The following MALRD1 variants were observed in gnomAD, a reference collection of about 807,000 sequenced individuals.
MALRD1 encodes the protein MAM and LDL-receptor class A domain-containing protein 1.
In MALRD1, 247 loss-of-function variants were observed where a neutral mutation model predicts 242.1. The observed-to-expected ratio is 1.02, with a 90% CI of 0.92 to 1.13. The LOEUF (loss-of-function observed/expected upper bound fraction) is 1.13. MALRD1 is among the 50% of genes most tolerant of loss of function. The pLI is 0.00. For missense variants in MALRD1, 2,989 were observed against 2,533.1 expected (o/e 1.18, Z -3.86); for synonymous variants, 995 against 866.6 (o/e 1.15, Z -2.60).
chr10:19,595,595 G>C (rs1034133030), intron 34 of MALRD1, 138 bp downstream of exon 34: 9 of 1,065,958 alleles, frequency 8.4e-6, no homozygotes, highest in Non-Finnish European at 1.0e-5. Flanking sequence ...TCAGTGTTAT[G>C]TTGCAAAACA....
At chr10:19,355,859 T>A (rs12569853) in intron 26 of MALRD1, among the ~76,000 whole-genome samples, 1 of 18,262 alleles carries the variant, frequency 5.5e-5, no homozygotes, top group African/African-American at 8.8e-4. Flanking sequence ...ATATATATAT[T>A]ATATATGATA....
At chr10:19,595,615 T>A (rs1295739652) in intron 34 of MALRD1, among the ~76,000 whole-genome samples, 158 bp downstream of exon 34, 1 of 152,188 alleles carries the variant, frequency 6.6e-6, no homozygotes, top group African/African-American at 2.4e-5. Context: ...AAGGCATCTG[T>A]CCTTTGCTTA....
rs2131578762 is a variant in MALRD1 at position 19,188,381 on chromosome 10, GATTGGATGTTTTCAAGAA to G, written c.1951+13056_1951+13073del. Among the ~76,000 whole-genome samples the G allele has an allele frequency of 2.0e-5, 3 of 152,244 alleles. 1 individual carries two copies. The South Asian group carries it at 6.2e-4, about 32-fold the overall frequency. The stretch of plus-strand genomic sequence containing the variant: ...CTCAAGGAAGCAAGAATTTTCTTTT[GATTGGATGTTTTCAAGAA>G]ATAGGATAATTCTGTGATTGTATAT... On this transcript the variant is annotated intron_variant, in intron 14 of 39. Transcript: ENST00000454679.
intron 28 of MALRD1, among the ~76,000 whole-genome samples, chr10:19,403,441 T>G (rs1846954118): frequency 6.6e-6 from 1 of 152,176 alleles, no homozygotes; most frequent in African/African-American, 2.4e-5. Context: ...ATGTGGCATT[T>G]AATATATCCA....
chr10:19,276,733 C>A (rs982068409), intron 19 of MALRD1, among the ~76,000 whole-genome samples: 3 of 151,954 alleles, frequency 2.0e-5, no homozygotes, highest in Admixed American at 2.0e-4. Flanking sequence ...ACTTTGACCT[C>A]TAATTGAGTT....
intron 14 of MALRD1, among the ~76,000 whole-genome samples, chr10:19,177,900 T>C (rs10827018): frequency 0.11 from 16,679 of 152,064 alleles, 960 homozygotes; most frequent in East Asian, 0.18. Context: ...TCTTGTGACC[T>C]AATTTCAGGC....
chr10:19,342,457 T>C (rs1264629693), intron 24 of MALRD1, among the ~76,000 whole-genome samples: 3 of 152,128 alleles, frequency 2.0e-5, no homozygotes, highest in Admixed American at 6.6e-5. Context: ...ACCTGAATAA[T>C]TGTGGAGCTT....
chr10:19,273,618 G>A (rs1273935658), intron 19 of MALRD1, among the ~76,000 whole-genome samples: 2 of 152,178 alleles, frequency 1.3e-5, no homozygotes, highest in African/African-American at 2.4e-5. Flanking sequence ...AGCAGAAGAA[G>A]CCAATATGAA....
chr10:19,587,082 G>A (rs905598283), intron 33 of MALRD1, among the ~76,000 whole-genome samples: 21 of 152,164 alleles, frequency 1.4e-4, no homozygotes, highest in Admixed American at 3.3e-4. Flanking sequence ...GCCCTGCTTC[G>A]GCTCGCGCAC....
At chr10:19,190,097 A>G (rs1476334541) in intron 14 of MALRD1, among the ~76,000 whole-genome samples, 1 of 152,138 alleles carries the variant, frequency 6.6e-6, no homozygotes, top group Non-Finnish European at 1.5e-5. Flanking sequence ...TGTTAGAACT[A>G]AAACATGAAT....
chr10:19,257,644 A>G (rs1564508160), intron 18 of MALRD1, 40 bp from the exon 19 acceptor site: 1 of 1,385,872 alleles, frequency 7.2e-7, no homozygotes. Flanking sequence ...TTACCACATA[A>G]ACACATTTCT....
At chr10:19,703,959 T>A (rs1833738963) in intron 38 of MALRD1, among the ~76,000 whole-genome samples, 1 of 152,158 alleles carries the variant, frequency 6.6e-6, no homozygotes, top group South Asian at 2.1e-4. Flanking sequence ...AGTAAGCCGT[T>A]TATTCTTACC....
At chr10:19,066,656 T>C (rs1325926108) in intron 1 of MALRD1, 63 bp from the exon 2 acceptor site, 1 of 1,157,744 alleles carries the variant, frequency 8.6e-7, no homozygotes, top group East Asian at 3.2e-5. Context: ...TTTTCTGCTA[T>C]TGTCTTATTT....
intron 38 of MALRD1, among the ~76,000 whole-genome samples, chr10:19,715,838 T>C (rs1034966269): frequency 7.9e-5 from 12 of 152,170 alleles, no homozygotes; most frequent in African/African-American, 2.9e-4. Context: ...GGTGCCATGC[T>C]CTTGTAAACA....
intron 1 of MALRD1, among the ~76,000 whole-genome samples, chr10:19,057,766 A>G (rs1371553560): frequency 6.6e-6 from 1 of 152,162 alleles, no homozygotes; most frequent in Non-Finnish European, 1.5e-5. Flanking sequence ...TTGGAATCTG[A>G]TAAAGTGTCT....
intron 21 of MALRD1, among the ~76,000 whole-genome samples, chr10:19,309,201 A>T (rs1842333193): frequency 6.6e-6 from 1 of 151,458 alleles, no homozygotes; most frequent in Middle Eastern, 3.4e-3. Context: ...ATGGAGCATA[A>T]TTTTTTTTAG....
At chr10:19,632,953 C>T (rs899852373) in intron 36 of MALRD1, among the ~76,000 whole-genome samples, 1 of 152,082 alleles carries the variant, frequency 6.6e-6, no homozygotes, top group African/African-American at 2.4e-5. Context: ...ACTTCTGGGC[C>T]AGGCACGGTG....
At chr10:19,718,005 T>TA (rs1834473892) in intron 38 of MALRD1, among the ~76,000 whole-genome samples, 1 of 133,944 alleles carries the variant, frequency 7.5e-6, no homozygotes, top group African/African-American at 2.7e-5. Context: ...TCTACCTAAA[T>TA]AAATAAATAA....
At chr10:19,516,460 A>T (rs562729565) in intron 31 of MALRD1, among the ~76,000 whole-genome samples, 99 of 152,336 alleles carry the variant, frequency 6.5e-4, no homozygotes, top group African/African-American at 2.2e-3. Flanking sequence ...TTCAAGTACA[A>T]TAATATGAAA....
Sources: allele counts gnomAD v4.1 joint callset (sites outside exome capture counted in the v4.1 genomes callset), GRCh38; gene constraint gnomAD v4.1.1; transcripts MANE v1.5; gene names NCBI Gene and HGNC (gene_info 2026-07-23, HGNC 2026-07-21).